Variants in KCND2 observed in about 807,000 individuals in gnomAD.
KCND2 encodes the protein A-type voltage-gated potassium channel KCND2.
KCND2 carries 16 observed loss-of-function variants against 54.4 expected under a neutral mutation model. That is an observed-to-expected ratio of 0.29 (90% CI 0.20 to 0.45). The LOEUF is 0.45. KCND2 is among the 20% of genes least tolerant of loss of function. KCND2 has a pLI of 1.00. For synonymous variants in KCND2, 317 were observed against 310.7 expected, an observed-to-expected ratio of 1.02 and a Z score of -0.21; for missense variants, 486 against 824.2, an observed-to-expected ratio of 0.59 and a Z score of 5.02.
At chr7:120,409,861 A>G (rs1470867875) in intron 1 of KCND2, among the ~76,000 whole-genome samples, 1 of 151,846 alleles carries the variant, frequency 6.6e-6, no homozygotes, top group Non-Finnish European at 1.5e-5. Context: ...CTTCTTAACA[A>G]AGTCTTCCTA....
At chr7:120,363,449 A>G (rs1260396941) in intron 1 of KCND2, among the ~76,000 whole-genome samples, 5 of 152,144 alleles carry the variant, frequency 3.3e-5, no homozygotes, top group Non-Finnish European at 7.4e-5. Context: ...TTTCCAGGAG[A>G]AACACCTTGC....
chr7:120,654,174 T>C (rs1050540341), intron 1 of KCND2, among the ~76,000 whole-genome samples: 2 of 152,204 alleles, frequency 1.3e-5, no homozygotes, highest in African/African-American at 4.8e-5. Flanking sequence ...TAGCAAGTTG[T>C]TCCTGGTTGT....
At chr7:120,582,874 CAGA>C (rs1562879306) in intron 1 of KCND2, among the ~76,000 whole-genome samples, 1 of 151,936 alleles carries the variant, frequency 6.6e-6, no homozygotes, top group Non-Finnish European at 1.5e-5. Context: ...ATAGAACTCT[CAGA>C]AGGACTTTCT....
intron 1 of KCND2, among the ~76,000 whole-genome samples, chr7:120,520,748 A>T (rs1791680801): frequency 6.6e-6 from 1 of 152,168 alleles, no homozygotes. Flanking sequence ...AGAGACACAA[A>T]GGTTTGCATG....
chr7:120,536,860 A>G (rs936685548), intron 1 of KCND2, among the ~76,000 whole-genome samples: 3 of 151,994 alleles, frequency 2.0e-5, no homozygotes, highest in Non-Finnish European at 4.4e-5. Flanking sequence ...CTTTTTAATT[A>G]TTTTTGTCAG....
intron 1 of KCND2, among the ~76,000 whole-genome samples, chr7:120,419,485 T>C (rs1801577639): frequency 6.6e-6 from 1 of 152,222 alleles, no homozygotes; most frequent in African/African-American, 2.4e-5. Context: ...CTAAGGAATC[T>C]CTTTGTAATC....
chr7:120,612,171 C>T (rs1223069056), intron 1 of KCND2, among the ~76,000 whole-genome samples: 1 of 152,134 alleles, frequency 6.6e-6, no homozygotes, highest in East Asian at 1.9e-4. Context: ...TAATTTGGCC[C>T]TGAATTTGTA....
intron 1 of KCND2, among the ~76,000 whole-genome samples, chr7:120,578,964 A>C (rs1270273743): frequency 1.3e-5 from 2 of 152,092 alleles, no homozygotes; most frequent in Non-Finnish European, 2.9e-5. Context: ...AAAAGAAATA[A>C]AGAAATAAAG....
intron 1 of KCND2, among the ~76,000 whole-genome samples, chr7:120,370,976 G>A (rs1800756569): frequency 6.6e-6 from 1 of 152,070 alleles, no homozygotes; most frequent in East Asian, 1.9e-4. Flanking sequence ...GGAACAACCA[G>A]TCTGTCAACA....
chr7:120,410,245 A>G (rs1563037275), intron 1 of KCND2, among the ~76,000 whole-genome samples: 1 of 151,940 alleles, frequency 6.6e-6, no homozygotes, highest in Non-Finnish European at 1.5e-5. Context: ...CCATCAGTCT[A>G]TATGCCTGTC....
rs533893499 is a variant in KCND2 at position 120,682,637 on chromosome 7, T to C, written c.1116-50266T>C. 8.5e-5 allele frequency among the ~76,000 whole-genome samples: 13 copies of C among 152,222 alleles called. No individual in the cohort carries two copies. In the South Asian group the frequency reaches 2.7e-3, roughly 32 times the overall value. ...CTTTCTGTACTGCAACATTATACAGTGAAAGCTGAAAAAATACTTCAGAAA... is the reference window on the plus strand; with the variant it reads ...CTTTCTGTACTGCAACATTATACAGCGAAAGCTGAAAAAATACTTCAGAAA... On this transcript the variant is annotated intron_variant, in intron 1 of 5. Transcript: ENST00000331113.
At chr7:120,535,707 G>T (rs1185273238) in intron 1 of KCND2, among the ~76,000 whole-genome samples, 2 of 152,082 alleles carry the variant, frequency 1.3e-5, no homozygotes, top group Non-Finnish European at 2.9e-5. Flanking sequence ...ATTTCAGACA[G>T]CAATACGTTG....
At chr7:120,391,056 C>G (rs1801069403) in intron 1 of KCND2, among the ~76,000 whole-genome samples, 1 of 152,006 alleles carries the variant, frequency 6.6e-6, no homozygotes, top group South Asian at 2.1e-4. Flanking sequence ...TCCTAAAGCT[C>G]TCCTTCCCCT....
At chr7:120,357,626 T>C (rs1800525074) in intron 1 of KCND2, among the ~76,000 whole-genome samples, 1 of 151,924 alleles carries the variant, frequency 6.6e-6, no homozygotes, top group South Asian at 2.1e-4. Context: ...CATTATTTAC[T>C]AAATACAGGC....
At chr7:120,349,117 T>G (rs1327215194) in intron 1 of KCND2, among the ~76,000 whole-genome samples, 3 of 152,162 alleles carry the variant, frequency 2.0e-5, no homozygotes, top group Non-Finnish European at 2.9e-5. Flanking sequence ...ATGGGAAACT[T>G]ATACTACTTG....
intron 1 of KCND2, among the ~76,000 whole-genome samples, chr7:120,686,257 T>A (rs960471963): frequency 6.6e-6 from 1 of 152,188 alleles, no homozygotes; most frequent in Non-Finnish European, 1.5e-5. Context: ...ATTTTAATAC[T>A]CTTAGATACA....
At chr7:120,655,162 A>C (rs868683625) in intron 1 of KCND2, among the ~76,000 whole-genome samples, 2 of 152,074 alleles carry the variant, frequency 1.3e-5, no homozygotes, top group Admixed American at 6.5e-5. Context: ...ATTTTTTCTA[A>C]AGGAAGAATA....
chr7:120,346,437 T>C (rs1800317163), intron 1 of KCND2, among the ~76,000 whole-genome samples: 1 of 152,184 alleles, frequency 6.6e-6, no homozygotes. Context: ...ATTATATTCA[T>C]TTCTATTTTA....
intron 1 of KCND2, among the ~76,000 whole-genome samples, chr7:120,452,132 A>T (rs1463573090): frequency 6.6e-6 from 1 of 152,234 alleles, no homozygotes; most frequent in Non-Finnish European, 1.5e-5. Flanking sequence ...ACATAATTGA[A>T]CTGCATAAAG....
Sources: allele counts gnomAD v4.1 joint callset (sites outside exome capture counted in the v4.1 genomes callset), GRCh38; gene constraint gnomAD v4.1.1; transcripts MANE v1.5; gene names NCBI Gene and HGNC (gene_info 2026-07-23, HGNC 2026-07-21).